The following FHIT variants were observed in gnomAD, a reference collection of about 807,000 sequenced individuals.
The protein encoded by FHIT is bis(5'-adenosyl)-triphosphatase.
In FHIT, 19 loss-of-function variants were observed where a neutral mutation model predicts 17.9. The ratio of observed to expected loss-of-function variants is 1.06; its 90% confidence interval spans 0.74 to 1.56. The LOEUF (loss-of-function observed/expected upper bound fraction) is 1.56, where lower values mean the gene tolerates loss of function less well. Among genes scored for constraint, FHIT ranks in the 40% most tolerant of loss-of-function variants. The pLI, the probability that FHIT is intolerant of heterozygous loss-of-function variation, is 0.00. For synonymous variants in FHIT, 81 were observed against 69.7 expected (o/e 1.16, Z -0.81); for missense variants, 248 against 189.2 (o/e 1.31, Z -1.82).
intron 3 of FHIT, among the ~76,000 whole-genome samples, chr3:60,834,754 A>G (rs997108739): frequency 6.6e-6 from 1 of 152,000 alleles, no homozygotes; most frequent in Non-Finnish European, 1.5e-5. Context: ...AGTCCCAGCT[A>G]TTCCAGAGCC....
At chr3:60,610,489 A>T (rs2038751779) in intron 4 of FHIT, among the ~76,000 whole-genome samples, 1 of 152,018 alleles carries the variant, frequency 6.6e-6, no homozygotes, top group African/African-American at 2.4e-5. Context: ...CATTAATAAA[A>T]CTCTAAGTGT....
chr3:60,111,117 G>C (rs561638296), intron 5 of FHIT, among the ~76,000 whole-genome samples: 1 of 152,120 alleles, frequency 6.6e-6, no homozygotes, highest in East Asian at 1.9e-4. Flanking sequence ...TAATCTGATA[G>C]ACCGAGAAGA....
At chr3:59,873,093 CTT>C (rs1250836473) in intron 8 of FHIT, among the ~76,000 whole-genome samples, 2 of 152,208 alleles carry the variant, frequency 1.3e-5, no homozygotes, top group Non-Finnish European at 2.9e-5. Flanking sequence ...TTTCCACCCA[CTT>C]TGAGTTGGCA....
At chr3:60,513,862 G>C (rs926690616) in intron 5 of FHIT, among the ~76,000 whole-genome samples, 1 of 152,142 alleles carries the variant, frequency 6.6e-6, no homozygotes, top group Non-Finnish European at 1.5e-5. Flanking sequence ...GTGCCCATAA[G>C]AACCCCAAAC....
chr3:60,304,748 C>T (rs1239829504), intron 5 of FHIT, among the ~76,000 whole-genome samples: 1 of 152,094 alleles, frequency 6.6e-6, no homozygotes, highest in Admixed American at 6.6e-5. Context: ...CTCCTATTTG[C>T]TAACTCTGGG....
chr3:60,950,503 C>T lies in FHIT; in HGVS notation c.-111+91544G>A, dbSNP rs544584245. Among the ~76,000 whole-genome samples, 280 of 143,264 alleles carry T rather than the reference C, an allele frequency of 2.0e-3. 3 individuals are homozygous for T. Among genetic ancestry groups the T allele is most frequent in the African/African-American group, 6.6e-3 (253 of 38,126 alleles). 94.0% of individuals were successfully genotyped at this position (143,264 alleles called of 152,430 possible). A position where few individuals can be genotyped will look rare whatever the true frequency, so the allele number is the denominator to read the frequency against. Reference sequence around the variant, plus strand: ...TTTTTTTCTTTTTTTTTTTTTGAGACGGAGTCTTGCTTTGTCACCCAGGCT... The same window carrying T: ...TTTTTTTCTTTTTTTTTTTTTGAGATGGAGTCTTGCTTTGTCACCCAGGCT... On this transcript the variant is annotated intron_variant, in intron 3 of 9. Transcript: ENST00000492590.
At chr3:60,629,463 A>AAATG (rs1227295557) in intron 4 of FHIT, among the ~76,000 whole-genome samples, 1 of 152,182 alleles carries the variant, frequency 6.6e-6, no homozygotes, top group Non-Finnish European at 1.5e-5. Flanking sequence ...TGGTCCATGG[A>AAATG]ACACCTTATT....
At chr3:61,219,788 A>G (rs183568096) in intron 1 of FHIT, among the ~76,000 whole-genome samples, 52 of 152,338 alleles carry the variant, frequency 3.4e-4, no homozygotes, top group Admixed American at 7.8e-4. Context: ...CCTCCAAAAA[A>G]TCTTTACAAA....
intron 5 of FHIT, among the ~76,000 whole-genome samples, chr3:60,429,792 A>G (rs1320860172): frequency 6.6e-6 from 1 of 152,114 alleles, no homozygotes; most frequent in Non-Finnish European, 1.5e-5. Context: ...ACTTTCTAAA[A>G]TATCAATATA....
chr3:60,932,259 G>A (rs1254792667), intron 3 of FHIT, among the ~76,000 whole-genome samples: 1 of 152,098 alleles, frequency 6.6e-6, no homozygotes, highest in African/African-American at 2.4e-5. Context: ...AGCTCACACA[G>A]GATAAGTGCC....
intron 4 of FHIT, among the ~76,000 whole-genome samples, chr3:60,817,465 C>G (rs1354913913): frequency 3.3e-5 from 5 of 151,704 alleles, no homozygotes; most frequent in Non-Finnish European, 7.4e-5. Context: ...ACTAATTTGC[C>G]TTTACTCACA....
intron 4 of FHIT, among the ~76,000 whole-genome samples, chr3:60,608,929 A>T (rs1283297450): frequency 6.6e-6 from 1 of 152,110 alleles, no homozygotes; most frequent in Non-Finnish European, 1.5e-5. Context: ...ACGGTGGCAG[A>T]GTTTCCCTTA....
At chr3:60,712,383 A>C (rs530092868) in intron 4 of FHIT, among the ~76,000 whole-genome samples, 2 of 152,272 alleles carry the variant, frequency 1.3e-5, no homozygotes, top group East Asian at 3.9e-4. Context: ...AAGCAAAATA[A>C]CCAGCTAACA....
At position 59,902,096 on chromosome 3, in the gene FHIT, T is replaced by C. The variant is rs184826345; in HGVS notation, c.348+20250A>G. ...TACATAAGAAACCCATTCAACTCAA[T>C]AGTACCCTCCCCTGTAAAATAACCC... is the stretch of plus-strand genomic sequence containing the variant. On this transcript the variant is annotated intron_variant, in intron 8 of 9. Transcript: ENST00000492590. 9.2e-5 allele frequency among the ~76,000 whole-genome samples: 14 copies of C among 152,232 alleles called. No individual in the cohort carries two copies. The East Asian group carries it at 2.5e-3, about 27-fold the overall frequency.
In FHIT at chr3:60,470,423, A is replaced by G. The variant is rs554063510; in HGVS notation, c.103+66437T>C. On this transcript the variant is annotated intron_variant, in intron 5 of 9. Transcript: ENST00000492590. Reference sequence around the variant, plus strand: ...CCGCAGCTAAGCTGGCACCCAAACCATAAGACAAAGTCCTTTCTGCCCTTC... The same window carrying G: ...CCGCAGCTAAGCTGGCACCCAAACCGTAAGACAAAGTCCTTTCTGCCCTTC... 5.3e-5 allele frequency among the ~76,000 whole-genome samples: 8 copies of G among 152,100 alleles called. No homozygotes were observed. In the South Asian group the frequency reaches 1.5e-3, roughly 28 times the overall value.
intron 8 of FHIT, among the ~76,000 whole-genome samples, chr3:59,812,131 G>A (rs1700428781): frequency 6.6e-6 from 1 of 152,118 alleles, no homozygotes; most frequent in Admixed American, 6.5e-5. Flanking sequence ...GGCATCTAGT[G>A]AGCAGAGACT....
intron 5 of FHIT, among the ~76,000 whole-genome samples, chr3:60,503,195 A>G (rs2034590662): frequency 6.6e-6 from 1 of 152,216 alleles, no homozygotes; most frequent in Admixed American, 6.5e-5. Context: ...GTAATGCTCA[A>G]TAATTCTTAG....
intron 5 of FHIT, among the ~76,000 whole-genome samples, chr3:60,174,523 A>C (rs1171459090): frequency 6.6e-6 from 1 of 152,178 alleles, no homozygotes; most frequent in Non-Finnish European, 1.5e-5. Context: ...TATTATTTTT[A>C]TACTAGTGTT....
At chr3:60,652,665 T>C (rs184418870) in intron 4 of FHIT, among the ~76,000 whole-genome samples, 61 of 148,056 alleles carry the variant, frequency 4.1e-4, no homozygotes, top group Admixed American at 2.0e-3. Context: ...GGAGCGGAGC[T>C]TGCAGTGAGC....
Sources: gnomAD v4.1 joint callset for allele counts (sites outside exome capture counted in the v4.1 genomes callset) on GRCh38, gnomAD v4.1.1 for gene constraint, MANE v1.5 for transcripts, NCBI Gene and HGNC (gene_info 2026-07-23, HGNC 2026-07-21) for gene names.